NAALADL2: variants seen among roughly 807,000 people sequenced by gnomAD.
NAALADL2 encodes N-acetylated alpha-linked acidic dipeptidase like 2.
A neutral mutation model predicts 87.2 loss-of-function variants in NAALADL2; 76 were observed. The ratio of observed to expected loss-of-function variants is 0.87; its 90% CI spans 0.72 to 1.05. The LOEUF is 1.05. Among genes scored for constraint, NAALADL2 ranks in the 50% least tolerant of loss-of-function variants. The pLI is 0.00. For synonymous variants in NAALADL2, 354 were observed against 331.0 expected (o/e 1.07, Z -0.75); for missense variants, 1,089 against 945.8 (o/e 1.15, Z -1.99).
intron 1 of NAALADL2, among the ~76,000 whole-genome samples, chr3:174,900,822 GA>G (rs1308283334): frequency 6.6e-6 from 1 of 151,734 alleles, no homozygotes; most frequent in African/African-American, 2.4e-5. Flanking sequence ...TTTAAAAGCA[GA>G]AAAATGTTCA....
At chr3:175,697,808 T>TG (rs1435850035) in intron 11 of NAALADL2, among the ~76,000 whole-genome samples, 1 of 142,566 alleles carries the variant, frequency 7.0e-6, no homozygotes, top group Non-Finnish European at 1.5e-5. Flanking sequence ...TGTATATATA[T>TG]TTATGTATGT....
At chr3:174,911,546 G>A (rs1013456592) in intron 1 of NAALADL2, among the ~76,000 whole-genome samples, 11 of 152,142 alleles carry the variant, frequency 7.2e-5, no homozygotes, top group African/African-American at 2.7e-4. Context: ...TTGCAAGCTG[G>A]GTTTAGGGAG....
chr3:175,605,455 T>C (rs1287967702), intron 10 of NAALADL2, among the ~76,000 whole-genome samples: 1 of 152,118 alleles, frequency 6.6e-6, no homozygotes, highest in East Asian at 1.9e-4. Context: ...TATTTATGTA[T>C]AATGCAGACT....
intron 10 of NAALADL2, among the ~76,000 whole-genome samples, chr3:175,588,367 T>G (rs900774602): frequency 2.0e-5 from 3 of 152,000 alleles, no homozygotes; most frequent in Non-Finnish European, 4.4e-5. Flanking sequence ...CAGCAAACCA[T>G]TCCCAGGATA....
chr3:174,780,487 T>G (rs1711017241), intron 3 of NAALADL2, among the ~76,000 whole-genome samples: 1 of 152,192 alleles, frequency 6.6e-6, no homozygotes, highest in African/African-American at 2.4e-5. Context: ...TTCTCTTGCC[T>G]GATTGCCCTG....
chr3:175,284,953 C>A (rs541522242), intron 4 of NAALADL2, among the ~76,000 whole-genome samples: 2 of 152,180 alleles, frequency 1.3e-5, no homozygotes, highest in South Asian at 4.2e-4. Flanking sequence ...CATCAAAAGA[C>A]AAAGTATATC....
intron 2 of NAALADL2, among the ~76,000 whole-genome samples, chr3:175,181,789 G>A (rs71312317): frequency 0.016 from 2,268 of 138,594 alleles, 48 homozygotes; most frequent in African/African-American, 0.043. Flanking sequence ...GTATATATAT[G>A]TGTGTGTGTA....
At chr3:174,783,698 C>T (rs1444016186) in intron 3 of NAALADL2, among the ~76,000 whole-genome samples, 1 of 152,096 alleles carries the variant, frequency 6.6e-6, no homozygotes, top group African/African-American at 2.4e-5. Context: ...TATTTGTAGG[C>T]ATCAGCATTT....
intron 2 of NAALADL2, among the ~76,000 whole-genome samples, chr3:175,208,052 A>G (rs1182616617): frequency 2.0e-5 from 3 of 152,154 alleles, no homozygotes; most frequent in Non-Finnish European, 4.4e-5. Flanking sequence ...AAAATAGCCT[A>G]CATATCTTTT....
chr3:175,759,903 G>A (rs1253658319), intron 13 of NAALADL2, among the ~76,000 whole-genome samples: 1 of 152,042 alleles, frequency 6.6e-6, no homozygotes, highest in Admixed American at 6.6e-5. Context: ...GAGAGGTTTG[G>A]GCTTCATTTT....
rs1384967481 is a variant in NAALADL2 at position 175,054,979 on chromosome 3, C to CT, written c.44-41811_44-41810insT. 4.2e-5 allele frequency among the ~76,000 whole-genome samples: 5 copies of CT among 120,140 alleles called. No homozygotes were observed. In the East Asian group the frequency reaches 1.5e-3, roughly 37 times the overall value. 78.8% of individuals were successfully genotyped at this position (120,140 alleles called of 152,430 possible). On this transcript the variant is annotated intron_variant, in intron 1 of 13. Transcript: ENST00000454872. ...AAAATATGACTACTTTGATATACTTCGGGGGCTTTACCAACTCCAACTATG... is the reference window on the plus strand; with the variant it reads ...AAAATATGACTACTTTGATATACTTCTGGGGGCTTTACCAACTCCAACTATG...
At chr3:175,684,942 T>C (rs1253740934) in intron 11 of NAALADL2, among the ~76,000 whole-genome samples, 2 of 152,240 alleles carry the variant, frequency 1.3e-5, no homozygotes, top group African/African-American at 4.8e-5. Context: ...TAAAATCTAA[T>C]TTTTTAATCA....
chr3:174,895,318 A>C (rs1020008335), intron 1 of NAALADL2, among the ~76,000 whole-genome samples: 5 of 152,138 alleles, frequency 3.3e-5, no homozygotes, highest in African/African-American at 4.8e-5. Flanking sequence ...AGATCTAAAA[A>C]AAGTAAAAAT....
chr3:174,986,603 A>G (rs59246912), intron 1 of NAALADL2, among the ~76,000 whole-genome samples: 14,443 of 152,098 alleles, frequency 0.095, 1,620 homozygotes, highest in African/African-American at 0.27. Flanking sequence ...AGCATATCTT[A>G]ATTAATATGG....
At chr3:175,609,536 C>G (rs1724296956) in intron 10 of NAALADL2, 1 of 151,964 alleles carries the variant, frequency 6.6e-6, no homozygotes, top group South Asian at 2.1e-4. Context: ...GCGATTATTG[C>G]TAATTGAAAA....
intron 3 of NAALADL2, among the ~76,000 whole-genome samples, chr3:174,757,471 C>G (rs1712258751): frequency 6.6e-6 from 1 of 151,700 alleles, no homozygotes; most frequent in South Asian, 2.1e-4. Flanking sequence ...CAGTGTTGGC[C>G]TGAGATGAAA....
intron 2 of NAALADL2, among the ~76,000 whole-genome samples, chr3:175,200,402 C>CA (rs901487744): frequency 4.6e-5 from 7 of 151,400 alleles, no homozygotes; most frequent in African/African-American, 1.7e-4. Context: ...TTTTTTCAAG[C>CA]AAAAAAGTGT....
At chr3:175,069,387 T>C (rs1486888835) in intron 1 of NAALADL2, among the ~76,000 whole-genome samples, 2 of 150,102 alleles carry the variant, frequency 1.3e-5, no homozygotes, top group Non-Finnish European at 2.9e-5. Context: ...AAGACATTTA[T>C]GCAGCCAAAA....
At chr3:174,563,412 A>G (rs999994619) in intron 2 of NAALADL2, among the ~76,000 whole-genome samples, 3 of 151,686 alleles carry the variant, frequency 2.0e-5, no homozygotes, top group Admixed American at 2.0e-4. Context: ...GATTTCATAA[A>G]CCATCAATAA....
Sources: gnomAD v4.1 joint callset for allele counts (sites outside exome capture counted in the v4.1 genomes callset) on GRCh38, gnomAD v4.1.1 for gene constraint, MANE v1.5 for transcripts, NCBI Gene and HGNC (gene_info 2026-07-23, HGNC 2026-07-21) for gene names.